NSD2: variants seen among roughly 807,000 people sequenced by gnomAD.
NSD2 encodes the protein histone-lysine N-methyltransferase NSD2.
A neutral mutation model predicts 139.0 loss-of-function variants in NSD2; 12 were observed. That is an observed-to-expected ratio of 0.09 (90% CI 0.06 to 0.14). The LOEUF (loss-of-function observed/expected upper bound fraction) is 0.14, where lower values mean the gene tolerates loss of function less well. Ranked by LOEUF, NSD2 falls within the 10% of genes least tolerant of loss-of-function variation. NSD2 has a pLI of 1.00. For synonymous variants in NSD2, 669 were observed against 648.7 expected, an observed-to-expected ratio of 1.03 and a Z score of -0.48; for missense variants, 1,155 against 1,745.0, an observed-to-expected ratio of 0.66 and a Z score of 6.02.
At chr4:1,953,109 A>G in intron 11 of NSD2, 2 of 1,519,954 alleles carry the variant, frequency 1.3e-6, no homozygotes, top group Non-Finnish European at 1.8e-6. Flanking sequence ...TTTCAGGTGA[A>G]GCTGGAGCTC....
chr4:1,889,284 C>G (rs1198855664), intron 1 of NSD2, among the ~76,000 whole-genome samples: 1 of 152,160 alleles, frequency 6.6e-6, no homozygotes, highest in East Asian at 1.9e-4. Flanking sequence ...GCCTCTACCT[C>G]TTGGGCTCAA....
At chr4:1,874,712 C>T (rs984933163) in intron 1 of NSD2, among the ~76,000 whole-genome samples, 1 of 152,072 alleles carries the variant, frequency 6.6e-6, no homozygotes, top group Non-Finnish European at 1.5e-5. Context: ...TGTACTACCA[C>T]CAAGATGGAG....
chr4:1,900,799 A>G lies in NSD2; in HGVS notation c.145A>G (p.Ser49Gly), dbSNP rs1717054857. The change falls in exon 2 of 22, where the codon AGC (serine) becomes GGC (glycine). Residue 49 changes from serine to glycine, a missense_variant. This residue lies in a region of NSD2 where 246 missense variants were observed against 262.8 expected (regional missense o/e 0.94). Transcript: ENST00000508803. ...GAACCGCGAGTGTTCTGTGTTCCTC[A>G]GCAAAGCCCAGCTCTCCAGTAGCCT... ...EVNRECSVFL[S>G]KAQLSSSLQE... 1 of 1,614,146 alleles carries G rather than the reference A, an allele frequency of 6.2e-7. No homozygotes were observed. Among genetic ancestry groups the G allele is most frequent in the Non-Finnish European group, 8.5e-7 (1 of 1,180,028 alleles).
At chr4:1,932,864 T>C (rs1437172299) in intron 6 of NSD2, among the ~76,000 whole-genome samples, 4 of 152,216 alleles carry the variant, frequency 2.6e-5, no homozygotes, top group Non-Finnish European at 5.9e-5. Context: ...GTGTCGAGGA[T>C]GTGCTGTGTC....
intron 3 of NSD2, among the ~76,000 whole-genome samples, chr4:1,911,812 A>C (rs918070569): frequency 6.6e-6 from 1 of 152,172 alleles, no homozygotes; most frequent in Non-Finnish European, 1.5e-5. Flanking sequence ...TAGATGGGAA[A>C]GAACTTCAGA....
chr4:1,903,500 G>A lies in NSD2; in HGVS notation c.598-716G>A, dbSNP rs145534143. ...CACCACACTGGGATGGTTCATGTTGGTGACACATGGGCTGCTGAGAACTGA... is the reference window on the plus strand; with the variant it reads ...CACCACACTGGGATGGTTCATGTTGATGACACATGGGCTGCTGAGAACTGA... On this transcript the variant is annotated intron_variant, in intron 2 of 21. Transcript: ENST00000508803. Among the ~76,000 whole-genome samples the A allele has an allele frequency of 1.2e-3, 177 of 152,300 alleles. 1 individual carries two copies. The East Asian group carries it at 0.015, about 13-fold the overall frequency.
chr4:1,886,179 C>A (rs375603487), intron 1 of NSD2, among the ~76,000 whole-genome samples: 1 of 152,128 alleles, frequency 6.6e-6, no homozygotes, highest in African/African-American at 2.4e-5. Context: ...TCCATCAAGG[C>A]AACCTCTGCT....
intron 1 of NSD2, among the ~76,000 whole-genome samples, chr4:1,877,143 A>G (rs553575849): frequency 6.6e-6 from 1 of 152,210 alleles, no homozygotes; most frequent in Non-Finnish European, 1.5e-5. Context: ...TCTCAAGGAA[A>G]AAAAAAAAAT....
chr4:1,971,927 C>T (rs937757836), intron 18 of NSD2, among the ~76,000 whole-genome samples: 1 of 152,224 alleles, frequency 6.6e-6, no homozygotes, highest in Non-Finnish European at 1.5e-5. Flanking sequence ...AAGACATCAG[C>T]GGCTGCCAGC....
In NSD2 at chr4:1,981,902, A is replaced by C. The variant is rs549329830; in HGVS notation, c.*2993A>C. The C allele has an allele frequency of 2.5e-6, 1 of 398,670 alleles. No homozygotes were observed. The highest frequency in any genetic ancestry group is 2.1e-5 in the African/African-American group (1 of 48,754). 24.7% of individuals were successfully genotyped at this position (398,670 alleles called of 1,614,324 possible). A position where few individuals can be genotyped will look rare whatever the true frequency, so the allele number is the denominator to read the frequency against. The stretch of plus-strand genomic sequence containing the variant: ...GTCCACGGGGTGTCACAGCCTCACC[A>C]TACCCTGTTGAGGTGTGAAATGCCC... On this transcript the variant is annotated 3_prime_UTR_variant, in exon 22 of 22. Transcript: ENST00000508803.
chr4:1,871,778 T>C (rs1234264741), intron 1 of NSD2, among the ~76,000 whole-genome samples: 12 of 134,228 alleles, frequency 8.9e-5, no homozygotes, highest in Non-Finnish European at 1.9e-4. Flanking sequence ...CGCGGAGGCC[T>C]GAGGGCCGGC....
At chr4:1,897,718 C>A (rs990863659) in intron 1 of NSD2, among the ~76,000 whole-genome samples, 1 of 152,162 alleles carries the variant, frequency 6.6e-6, no homozygotes, top group African/African-American at 2.4e-5. Flanking sequence ...CCTCCACCTC[C>A]TGGGTTCAAG....
chr4:1,890,400 G>T (rs1408590638), intron 1 of NSD2, among the ~76,000 whole-genome samples: 1 of 151,626 alleles, frequency 6.6e-6, no homozygotes, highest in Non-Finnish European at 1.5e-5. Flanking sequence ...CCGGGTTCAC[G>T]CCATTCTCCT....
At chr4:1,960,787 T>C (rs1000047857) in intron 17 of NSD2, among the ~76,000 whole-genome samples, 3 of 152,234 alleles carry the variant, frequency 2.0e-5, no homozygotes, top group Admixed American at 6.5e-5. Flanking sequence ...CAAGGTCGTG[T>C]AGGAAGCAAG....
Position 1,952,208 on chromosome 4 carries a change from T to A in NSD2, c.2114T>A (p.Phe705Tyr). The change falls in exon 11 of 22, where the codon TTC (phenylalanine) becomes TAC (tyrosine). Residue 705 changes from phenylalanine (F) to tyrosine (Y), a missense_variant. Phe to Tyr is a conservative substitution (Grantham distance 22). Transcript: ENST00000508803. Reference protein sequence around the residue: ...LGLSRRPEGRFTCSECASGIH... With the variant: ...LGLSRRPEGRYTCSECASGIH... Reference sequence around the variant, plus strand: ...CTTTCCCGGAGGCCAGAAGGGAGGTTCACCTGCAGCGAGTGTGCCTCAGGC... The same window carrying A: ...CTTTCCCGGAGGCCAGAAGGGAGGTACACCTGCAGCGAGTGTGCCTCAGGC... 6.2e-7 allele frequency: 1 copy of A among 1,613,914 alleles called. No individual in the cohort carries two copies. Among genetic ancestry groups the A allele is most frequent in the South Asian group, 1.1e-5 (1 of 91,074 alleles).
chr4:1,979,022 C>CA lies in NSD2; in HGVS notation c.*114dup, dbSNP rs1727463762. ...GGACCCAGCTCGAGCCGCCAGGACACAGACGTACAGGCCTCCTCGGGAGGG... is the reference window on the plus strand; with the variant it reads ...GGACCCAGCTCGAGCCGCCAGGACACAAGACGTACAGGCCTCCTCGGGAGGG... On this transcript the variant is annotated 3_prime_UTR_variant, in exon 22 of 22. Coordinates refer to ENST00000508803, the MANE Select transcript of NSD2 (RefSeq NM_001042424.3). 2 of 1,342,066 alleles carry CA rather than the reference C, an allele frequency of 1.5e-6. No individual in the cohort carries two copies. Among genetic ancestry groups the CA allele is most frequent in the African/African-American group, 3.0e-5 (2 of 67,784 alleles). 83.1% of individuals were successfully genotyped at this position (1,342,066 alleles called of 1,614,324 possible). A position where few individuals can be genotyped will look rare whatever the true frequency, so the allele number is the denominator to read the frequency against.
chr4:1,939,755 T>G lies in NSD2; in HGVS notation c.1858T>G (p.Ser620Ala), dbSNP rs759432670. Reference sequence around the variant, plus strand: ...TGGGTTTAGCAAAAGTTCATCTCCTTCTGCATCCTTAACTGAGAATGAGGT... The same window carrying G: ...TGGGTTTAGCAAAAGTTCATCTCCTGCTGCATCCTTAACTGAGAATGAGGT... ...ALGFSKSSSP[S>A]ASLTENEVSD... Residue 620 changes from serine (S) to alanine (A), a missense_variant, in exon 9 of 22, where the codon TCT (serine) becomes GCT (alanine). Ser to Ala is a moderately conservative substitution (Grantham distance 99, BLOSUM62 1). Transcript: ENST00000508803. 1 of 1,614,222 alleles carries G rather than the reference T, an allele frequency of 6.2e-7. No homozygotes were observed. The highest frequency in any genetic ancestry group is 8.5e-7 in the Non-Finnish European group (1 of 1,180,042).
chr4:1,926,468 A>T (rs1560668784), intron 5 of NSD2, among the ~76,000 whole-genome samples: 1 of 148,242 alleles, frequency 6.7e-6, no homozygotes, highest in African/African-American at 2.5e-5. Context: ...TGAATTTTTA[A>T]TTTTTTTTAT....
At position 1,931,082 on chromosome 4, in the gene NSD2, A is replaced by T. The variant is rs544804402; in HGVS notation, c.1555+312A>T. On this transcript the variant is annotated intron_variant, in intron 6 of 21. Coordinates refer to ENST00000508803, the MANE Select transcript of NSD2 (RefSeq NM_001042424.3). ...GTGTGAAGAGAGGACACAAGAAGGAAGGGGAGGGAAGGTCGTCTCTTGGAT... is the reference window on the plus strand; with the variant it reads ...GTGTGAAGAGAGGACACAAGAAGGATGGGGAGGGAAGGTCGTCTCTTGGAT... Among the ~76,000 whole-genome samples, 4 of 152,254 alleles carry T rather than the reference A, an allele frequency of 2.6e-5. 1 individual carries two copies. In the East Asian group the frequency reaches 7.7e-4, roughly 29 times the overall value.
Sources: allele counts gnomAD v4.1 joint callset (sites outside exome capture counted in the v4.1 genomes callset), GRCh38; gene constraint gnomAD v4.1.1; regional missense constraint gnomAD v4.1.1; transcripts MANE v1.5; gene names NCBI Gene and HGNC (gene_info 2026-07-23, HGNC 2026-07-21).